Variants in TIAM1 observed in about 807,000 individuals in gnomAD.
The protein encoded by TIAM1 is TIAM Rac1 associated GEF 1, also known as rho guanine nucleotide exchange factor TIAM1.
In TIAM1, 65 loss-of-function variants were observed where a neutral mutation model predicts 163.5. The observed-to-expected ratio is 0.40, with a 90% CI of 0.33 to 0.49. The LOEUF (loss-of-function observed/expected upper bound fraction) is 0.49. Among genes scored for constraint, TIAM1 ranks in the 20% least tolerant of loss-of-function variants. The pLI, the probability that TIAM1 is intolerant of heterozygous loss-of-function variation, is 0.77. For synonymous variants in TIAM1, 833 were observed against 810.1 expected (o/e 1.03, Z -0.48); for missense variants, 1,789 against 2,044.7 (o/e 0.87, Z 2.41).
chr21:31,118,426 G>A lies in TIAM1; in HGVS notation c.*1942C>T, dbSNP rs1601137411. 2 of 357,488 alleles carry A rather than the reference G, an allele frequency of 5.6e-6. No individual in the cohort carries two copies. The highest frequency in any genetic ancestry group is 2.2e-5 in the African/African-American group (1 of 46,038). 22.1% of individuals were successfully genotyped at this position (357,488 alleles called of 1,614,324 possible). A position where few individuals can be genotyped will look rare whatever the true frequency, so the allele number is the denominator to read the frequency against. On this transcript the variant is annotated 3_prime_UTR_variant, in exon 28 of 28. Transcript: ENST00000541036. ...GCATAGAACCGCCCAGACACTTTTC[G>A]TTATTTTTATTGTTTGACAAGCATT...
chr21:31,302,830 G>A (rs1345976356), intron 2 of TIAM1, among the ~76,000 whole-genome samples: 1 of 152,152 alleles, frequency 6.6e-6, no homozygotes, highest in Non-Finnish European at 1.5e-5. Flanking sequence ...TATATTTTCT[G>A]GAGCTATTTT....
chr21:31,434,549 G>C (rs1179964415), intron 2 of TIAM1, among the ~76,000 whole-genome samples: 1 of 152,230 alleles, frequency 6.6e-6, no homozygotes, highest in Non-Finnish European at 1.5e-5. Context: ...CCATGGTTAA[G>C]AGCTGGAAAG....
intron 2 of TIAM1, among the ~76,000 whole-genome samples, chr21:31,418,922 G>T (rs1888640532): frequency 6.6e-6 from 1 of 152,116 alleles, no homozygotes; most frequent in African/African-American, 2.4e-5. Flanking sequence ...CACTCAGGTG[G>T]CTTTGAAGCC....
rs77221722 is a variant in TIAM1, at chr21:31,412,784, TAAAAAAAAAA to T, written c.-369+51189_-369+51198del. On this transcript the variant is annotated intron_variant, in intron 2 of 28. Coordinates refer to the TIAM1 transcript ENST00000286827. ...GAAAGAGAGCAAGACTGTCTCAGGT[TAAAAAAAAAA>T]AAAAAAAAAAAAAAGGGAGCACGCA... Among the ~76,000 whole-genome samples the T allele has an allele frequency of 1.5e-4, 16 of 103,514 alleles. 1 individual carries two copies. In the East Asian group the frequency reaches 3.2e-3, roughly 21 times the overall value. The allele number at this position is 103,514 out of a possible 152,430, so 67.9% of individuals were successfully genotyped here. A position where few individuals can be genotyped will look rare whatever the true frequency, so the allele number is the denominator to read the frequency against.
chr21:31,210,189 G>A lies in TIAM1; in HGVS notation c.2244C>T (p.Asn748=), dbSNP rs922872912. The change falls in exon 11 of 28, where the codon AAC becomes AAT. Residue 748 remains asparagine (N), a synonymous_variant. Coordinates refer to ENST00000541036, the MANE Select transcript of TIAM1 (RefSeq NM_001353694.2). The stretch of plus-strand genomic sequence containing the variant: ...CGCAGTCAGGGTTGTGCTGGTGAAC[G>A]TTAGGTAAGACCACTTCTTTCTCCC... ...GKREKEVVLP[N]VHQHNPDCDI... is the part of the protein sequence containing the mutation. 5.2e-5 allele frequency: 84 copies of A among 1,613,988 alleles called. No individual in the cohort carries two copies. The highest frequency in any genetic ancestry group is 6.8e-5 in the Non-Finnish European group (80 of 1,180,040).
chr21:31,200,064 A>G (rs955396826), intron 12 of TIAM1, among the ~76,000 whole-genome samples: 1 of 152,114 alleles, frequency 6.6e-6, no homozygotes, highest in Non-Finnish European at 1.5e-5. Context: ...ATGTATTTTT[A>G]CTTGTTTCTG....
chr21:31,330,245 C>T (rs2075634682), intron 2 of TIAM1, among the ~76,000 whole-genome samples: 1 of 152,174 alleles, frequency 6.6e-6, no homozygotes, highest in African/African-American at 2.4e-5. Flanking sequence ...ATGGTTCTTC[C>T]ATGTTCTTTC....
intron 1 of TIAM1, among the ~76,000 whole-genome samples, chr21:31,536,880 G>A (rs936292070): frequency 3.9e-5 from 6 of 152,214 alleles, no homozygotes; most frequent in African/African-American, 1.4e-4. Flanking sequence ...AGGAGAGAGG[G>A]CAAGAAGAGG....
chr21:31,165,971 T>C (rs1158154570), intron 15 of TIAM1, among the ~76,000 whole-genome samples: 1 of 152,214 alleles, frequency 6.6e-6, no homozygotes, highest in African/African-American at 2.4e-5. Flanking sequence ...CCCACCACAG[T>C]GGTTCTCTAT....
intron 2 of TIAM1, among the ~76,000 whole-genome samples, chr21:31,387,841 C>G (rs1016388127): frequency 6.6e-6 from 1 of 152,022 alleles, no homozygotes; most frequent in Non-Finnish European, 1.5e-5. Context: ...TCCCCAGGGG[C>G]AGGTGCATGG....
intron 2 of TIAM1, among the ~76,000 whole-genome samples, chr21:31,418,843 G>A (rs920618276): frequency 6.6e-6 from 1 of 152,168 alleles, no homozygotes; most frequent in Non-Finnish European, 1.5e-5. Context: ...CAAGCAGGGT[G>A]GCGAGGCCTC....
chr21:31,312,002 AGAC>A (rs1169691284), intron 2 of TIAM1, among the ~76,000 whole-genome samples: 3 of 152,214 alleles, frequency 2.0e-5, no homozygotes, highest in African/African-American at 4.8e-5. Flanking sequence ...CTTGAACATC[AGAC>A]TCCAAGTTCC....
chr21:31,231,752 ATG>A (rs1306856359), intron 6 of TIAM1, among the ~76,000 whole-genome samples: 6 of 152,172 alleles, frequency 3.9e-5, no homozygotes, highest in Non-Finnish European at 5.9e-5. Flanking sequence ...GGAATGGTTC[ATG>A]CCTGTAGTCC....
chr21:31,195,423 A>G (rs1481694347), intron 12 of TIAM1, 118 bp from the exon 13 acceptor site: 1 of 709,980 alleles, frequency 1.4e-6, no homozygotes, highest in Non-Finnish European at 2.3e-6. Flanking sequence ...TGCACTTCAC[A>G]ATCTTATCAT....
intron 15 of TIAM1, among the ~76,000 whole-genome samples, chr21:31,173,583 C>G (rs1369136944): frequency 6.6e-6 from 1 of 151,994 alleles, no homozygotes; most frequent in African/African-American, 2.4e-5. Context: ...AGGAATGTTA[C>G]AATTTGAACT....
intron 6 of TIAM1, among the ~76,000 whole-genome samples, chr21:31,226,952 GT>G (rs35401090): frequency 0.044 from 4,928 of 112,600 alleles, 137 homozygotes; most frequent in African/African-American, 0.14. Flanking sequence ...AAAATTCTGT[GT>G]TTTTTTTTTT....
chr21:31,495,350 C>T (rs2046604517), intron 1 of TIAM1, among the ~76,000 whole-genome samples: 1 of 152,020 alleles, frequency 6.6e-6, no homozygotes, highest in Admixed American at 6.5e-5. Context: ...CTTTCTGCCT[C>T]CAAGATGGTA....
chr21:31,379,466 T>C (rs1040831988), intron 2 of TIAM1, among the ~76,000 whole-genome samples: 1 of 151,854 alleles, frequency 6.6e-6, no homozygotes, highest in Non-Finnish European at 1.5e-5. Flanking sequence ...AAGGTTGGAC[T>C]CTAGGCAAGT....
chr21:31,168,595 T>C (rs1421828031), intron 15 of TIAM1, among the ~76,000 whole-genome samples: 1 of 152,054 alleles, frequency 6.6e-6, no homozygotes, highest in Non-Finnish European at 1.5e-5. Context: ...AGAGACAGGG[T>C]TTCACCATGT....
Sources: allele counts gnomAD v4.1 joint callset (sites outside exome capture counted in the v4.1 genomes callset), GRCh38; gene constraint gnomAD v4.1.1; transcripts MANE v1.5; gene names NCBI Gene and HGNC (gene_info 2026-07-23, HGNC 2026-07-21).